RIN3: variants seen among roughly 807,000 people sequenced by gnomAD.
RIN3 encodes the protein Ras and Rab interactor 3.
RIN3 carries 54 observed loss-of-function variants against 76.3 expected under a neutral mutation model. That is an observed-to-expected ratio of 0.71 (90% CI 0.57 to 0.89). The LOEUF is 0.89. Among genes scored for constraint, RIN3 ranks in the 40% least tolerant of loss-of-function variants. RIN3 has a pLI of 0.00. For synonymous variants in RIN3, 576 were observed against 564.0 expected, an observed-to-expected ratio of 1.02 and a Z score of -0.30; for missense variants, 1,256 against 1,322.1, an observed-to-expected ratio of 0.95 and a Z score of 0.78.
intron 5 of RIN3, among the ~76,000 whole-genome samples, chr14:92,642,118 T>A (rs1323180327): frequency 6.6e-6 from 1 of 151,886 alleles, no homozygotes; most frequent in African/African-American, 2.4e-5. Context: ...TTTCTTTTTT[T>A]TTTGAAACAG....
chr14:92,613,812 A>G (rs2140101687), intron 3 of RIN3, among the ~76,000 whole-genome samples: 1 of 152,226 alleles, frequency 6.6e-6, no homozygotes, highest in African/African-American at 2.4e-5. Flanking sequence ...GGAAACTAGA[A>G]CCTCGGGAGA....
chr14:92,636,572 A>G (rs1029205612), intron 4 of RIN3, among the ~76,000 whole-genome samples: 7 of 152,238 alleles, frequency 4.6e-5, no homozygotes, highest in African/African-American at 1.7e-4. Flanking sequence ...TGACAGAGCA[A>G]GACTCCATCT....
chr14:92,531,497 G>C (rs113673425), intron 1 of RIN3, among the ~76,000 whole-genome samples: 122 of 152,338 alleles, frequency 8.0e-4, no homozygotes, highest in African/African-American at 2.7e-3. Context: ...TTCTAGCTGG[G>C]GGTGCGGAAT....
At chr14:92,647,236 G>A (rs150481965) in intron 5 of RIN3, among the ~76,000 whole-genome samples, 6 of 152,296 alleles carry the variant, frequency 3.9e-5, no homozygotes, top group East Asian at 1.9e-4. Flanking sequence ...ATGAGCCGAC[G>A]TAAGAAAGTC....
At chr14:92,604,927 T>C (rs1885474072) in intron 3 of RIN3, among the ~76,000 whole-genome samples, 1 of 55,040 alleles carries the variant, frequency 1.8e-5, no homozygotes, top group Admixed American at 2.6e-4. Flanking sequence ...TTTTTTTTTT[T>C]TTTTTTTTTT....
chr14:92,663,226 G>A lies in RIN3; in HGVS notation c.2335+3757G>A, dbSNP rs545151111. ...GCTAGCGTCATCTCACATAGTTATC[G>A]TCCTTGTGGTGAAAGTCAAACACCG... On this transcript the variant is annotated intron_variant, in intron 7 of 9. Transcript: ENST00000216487. Among the ~76,000 whole-genome samples the A allele has an allele frequency of 7.9e-5, 12 of 152,330 alleles. No individual in the cohort carries two copies. In the East Asian group the frequency reaches 2.3e-3, roughly 29 times the overall value.
rs147897628 is a variant in RIN3 at position 92,611,899 on chromosome 14, G to A, written c.368-3508G>A. Among the ~76,000 whole-genome samples, 499 of 152,320 alleles carry A rather than the reference G, an allele frequency of 3.3e-3. 1 individual carries two copies. Among genetic ancestry groups the A allele is most frequent in the African/African-American group, 0.011 (473 of 41,564 alleles). ...ATGCTGGTATCTGCTCAGCTTCTGA[G>A]GAGGCCTCAGGAAACTTACAATCAC... On this transcript the variant is annotated intron_variant, in intron 3 of 9. Coordinates refer to ENST00000216487, the MANE Select transcript of RIN3 (RefSeq NM_024832.5).
intron 6 of RIN3, 119 bp from the exon 7 acceptor site, chr14:92,659,042 G>A (rs1887776442): frequency 3.3e-6 from 3 of 896,458 alleles, no homozygotes; most frequent in Admixed American, 3.9e-5. Flanking sequence ...AACTGCTGGG[G>A]CTGTGAGTGT....
At chr14:92,574,857 C>T (rs1312469241) in intron 2 of RIN3, among the ~76,000 whole-genome samples, 3 of 152,078 alleles carry the variant, frequency 2.0e-5, no homozygotes, top group Non-Finnish European at 2.9e-5. Context: ...TCAGGGCCAC[C>T]CTCTGTAAGC....
Position 92,651,991 on chromosome 14 carries a change from TCC to T in RIN3, c.946_947del (p.Pro316SerfsTer107). The T allele has an allele frequency of 8.0e-7, 1 of 1,248,920 alleles. No homozygotes were observed. Among genetic ancestry groups the T allele is most frequent in the Non-Finnish European group, 1.1e-6 (1 of 922,434 alleles). 77.4% of individuals were successfully genotyped at this position (1,248,920 alleles called of 1,614,324 possible). ...PAPACPLPTS[P>X]PVPAPHVTPH... The stretch of plus-strand genomic sequence containing the variant: ...CCCCTGCCTGTCCTTTGCCCACCTC[TCC>T]CCCAGTGCCTGCCCCCCACGTCACA... On this transcript the variant is annotated frameshift_variant, in exon 6 of 10. Transcript: ENST00000216487. LOFTEE classifies it high-confidence loss of function.
intron 4 of RIN3, among the ~76,000 whole-genome samples, chr14:92,628,320 G>A (rs762694958): frequency 6.6e-6 from 1 of 152,146 alleles, no homozygotes; most frequent in Non-Finnish European, 1.5e-5. Context: ...CAATTTGGGG[G>A]TCAAGCAGCA....
chr14:92,672,509 G>A (rs1004220181), intron 7 of RIN3, among the ~76,000 whole-genome samples: 1 of 152,218 alleles, frequency 6.6e-6, no homozygotes, highest in African/African-American at 2.4e-5. Context: ...AGACTGCGCA[G>A]GCAAGGAACA....
chr14:92,662,935 T>A (rs1309692887), intron 7 of RIN3, among the ~76,000 whole-genome samples: 1 of 151,982 alleles, frequency 6.6e-6, no homozygotes, highest in Non-Finnish European at 1.5e-5. Flanking sequence ...CTCAGCCTCC[T>A]GAGTAGCTGG....
At chr14:92,587,166 C>T (rs1308108647) in intron 3 of RIN3, among the ~76,000 whole-genome samples, 2 of 152,196 alleles carry the variant, frequency 1.3e-5, no homozygotes, top group African/African-American at 4.8e-5. Flanking sequence ...GGAAGTAGCC[C>T]TATGAGATTG....
chr14:92,585,269 TA>T (rs1884728544), intron 3 of RIN3, among the ~76,000 whole-genome samples: 1 of 152,282 alleles, frequency 6.6e-6, no homozygotes. Context: ...CATTTTGATT[TA>T]AATCCAGGTC....
intron 1 of RIN3, among the ~76,000 whole-genome samples, chr14:92,522,572 T>C (rs1352432353): frequency 6.6e-6 from 1 of 152,196 alleles, no homozygotes; most frequent in African/African-American, 2.4e-5. Context: ...ATTATGATCA[T>C]TTTAATGGTC....
At chr14:92,543,502 A>C (rs1478999995) in intron 1 of RIN3, among the ~76,000 whole-genome samples, 2 of 151,766 alleles carry the variant, frequency 1.3e-5, no homozygotes, top group South Asian at 2.1e-4. Context: ...ATTGTTAACT[A>C]TCCAGAAATT....
rs56278055 is a variant in RIN3 at position 92,609,873 on chromosome 14, GTGTGTGTGTGTGTATGTA to G, written c.368-5526_368-5509del. Among the ~76,000 whole-genome samples the G allele has an allele frequency of 8.9e-3, 738 of 83,074 alleles. 10 individuals are homozygous for G. Among genetic ancestry groups the G allele is most frequent in the South Asian group, 0.045 (109 of 2,446 alleles). 54.5% of individuals were successfully genotyped at this position (83,074 alleles called of 152,430 possible). ...TGTGTGTGTGTGTGTGTGTGTGTGTGTGTGTGTGTGTGTATGTATGTGTGTTTCTGGTTTTAATAACAG... is the reference window on the plus strand; with the variant it reads ...TGTGTGTGTGTGTGTGTGTGTGTGTGTGTGTGTTTCTGGTTTTAATAACAG... On this transcript the variant is annotated intron_variant, in intron 3 of 9. Transcript: ENST00000216487.
At chr14:92,631,846 T>C in intron 4 of RIN3, among the ~76,000 whole-genome samples, 1 of 152,122 alleles carries the variant, frequency 6.6e-6, no homozygotes, top group Non-Finnish European at 1.5e-5. Context: ...TCAAATGTTC[T>C]GCCCACCTCA....
Sources: gnomAD v4.1 joint callset for allele counts (sites outside exome capture counted in the v4.1 genomes callset) on GRCh38, gnomAD v4.1.1 for gene constraint, MANE v1.5 for transcripts, NCBI Gene and HGNC (gene_info 2026-07-23, HGNC 2026-07-21) for gene names.